Variants in GALT observed in about 807,000 individuals in gnomAD.
The protein encoded by GALT is UDP-glucose--hexose-1-phosphate uridylyltransferase.
Under a neutral mutation model 55.4 loss-of-function variants are expected in GALT, and 42 were observed. The observed-to-expected ratio is 0.76, with a 90% CI of 0.59 to 0.98. The LOEUF is 0.98. Among genes scored for constraint, GALT ranks in the 50% least tolerant of loss-of-function variants. GALT has a pLI of 0.00. For synonymous variants in GALT, 154 were observed against 181.5 expected (o/e 0.85, Z 1.22); for missense variants, 407 against 495.7 (o/e 0.82, Z 1.70).
In GALT at chr9:34,650,525, T is replaced by G. The variant is rs1380606096; in HGVS notation, c.*76T>G. 2 of 1,375,278 alleles carry G rather than the reference T, an allele frequency of 1.5e-6. No homozygotes were observed. Among genetic ancestry groups the G allele is most frequent in the African/African-American group, 2.9e-5 (2 of 70,100 alleles). The allele number at this position is 1,375,278 out of a possible 1,614,324, so 85.2% of individuals were successfully genotyped here. A position where few individuals can be genotyped will look rare whatever the true frequency, so the allele number is the denominator to read the frequency against. ...TGAATTAAGCAGAAAGGGCCTTGAATCCTGGCCTGGAATTTGGGCAGATAT... is the reference window on the plus strand; with the variant it reads ...TGAATTAAGCAGAAAGGGCCTTGAAGCCTGGCCTGGAATTTGGGCAGATAT... On this transcript the variant is annotated 3_prime_UTR_variant, in exon 11 of 11. Coordinates refer to ENST00000378842, the MANE Select transcript of GALT (RefSeq NM_000155.4).
Position 34,648,446 on chromosome 9 carries a change from T to C in GALT, c.677T>C (p.Leu226Pro), listed in dbSNP as rs111033752. The C allele has an allele frequency of 6.2e-7, 1 of 1,614,130 alleles. No homozygotes were observed. The highest frequency in any genetic ancestry group is 8.5e-7 in the Non-Finnish European group (1 of 1,180,018). Residue 226 changes from leucine (L) to proline (P), a missense_variant, in exon 7 of 11, where the codon CTA becomes CCA. Leu to Pro is a moderately conservative substitution (Grantham distance 98). Transcript: ENST00000378842. The surrounding 1 kb of genome is among the most constrained non-coding windows in gnomAD (Gnocchi z 4.9). ...CTAATGGAGTACAGCCGCCAGGAGC[T>C]ACTCAGGAAGGTGGGAGAGAGCCAA... Reference protein sequence around the residue: ...PLLMEYSRQELLRKERLVLTS... With the variant: ...PLLMEYSRQEPLRKERLVLTS...
Position 34,648,353 on chromosome 9 carries a change from T to G in GALT, c.584T>G (p.Leu195Arg), listed in dbSNP as rs111033728. 1 of 1,614,196 alleles carries G rather than the reference T, an allele frequency of 6.2e-7. No individual in the cohort carries two copies. The highest frequency in any genetic ancestry group is 8.5e-7 in the Non-Finnish European group (1 of 1,180,038). Residue 195 changes from leucine (L) to arginine (R), a missense_variant, in exon 7 of 11, where the codon CTG (leucine) becomes CGG (arginine). By Grantham distance (102) the Leu-to-Arg change is moderately radical (BLOSUM62 -2). Coordinates refer to ENST00000378842, the MANE Select transcript of GALT (RefSeq NM_000155.4). The surrounding 1 kb of genome is among the most constrained non-coding windows in gnomAD (Gnocchi z 4.9). ...PHCQVWASSF[L>R]PDIAQREERS... is the part of the protein sequence containing the mutation. ...TGACAGGTATGGGCCAGCAGTTTCCTGCCAGATATTGCCCAGCGTGAGGAG... is the reference window on the plus strand; with the variant it reads ...TGACAGGTATGGGCCAGCAGTTTCCGGCCAGATATTGCCCAGCGTGAGGAG...
Position 34,648,068 on chromosome 9 carries a change from G to T in GALT, c.508-47G>T. 1 of 1,614,164 alleles carries T rather than the reference G, an allele frequency of 6.2e-7. No homozygotes were observed. Among genetic ancestry groups the T allele is most frequent in the Non-Finnish European group, 8.5e-7 (1 of 1,180,028 alleles). On this transcript the variant is annotated intron_variant, in intron 5 of 10. Coordinates refer to ENST00000378842, the MANE Select transcript of GALT (RefSeq NM_000155.4). This position sits in a 1 kb window ranked among gnomAD's most constrained non-coding sequence, Gnocchi z 4.9. Reference sequence around the variant, plus strand: ...CACAGGGTGTGGTCAGGAGGGAGTTGACTTGGTGTCTTTTGGCTAACAGAG... The same window carrying T: ...CACAGGGTGTGGTCAGGAGGGAGTTTACTTGGTGTCTTTTGGCTAACAGAG...
In GALT at chr9:34,649,411, G is replaced by A. The variant is rs111033837; in HGVS notation, c.906G>A (p.Gly302=). Residue 302 remains glycine (G), a splice_region_variant and synonymous_variant, in exon 10 of 11, where the codon GGG becomes GGA. Coordinates refer to ENST00000378842, the MANE Select transcript of GALT (RefSeq NM_000155.4). ...TSFPYSMGWH[G]APTGSEAGAN... is the part of the protein sequence containing the mutation. ...CACTGTCTCTCTTCTTTCTGTCAGG[G>A]GCTCCCACAGGATCAGAGGCTGGGG... 3 of 1,613,952 alleles carry A rather than the reference G, an allele frequency of 1.9e-6. No homozygotes were observed. The highest frequency in any genetic ancestry group is 2.5e-6 in the Non-Finnish European group (3 of 1,180,024).
chr9:34,649,707 C>T, intron 10 of GALT, 143 bp downstream of exon 10: 1 of 927,880 alleles, frequency 1.1e-6, no homozygotes, highest in African/African-American at 1.6e-5. Context: ...AAGTTAGGAG[C>T]CCTAGGGCCT....
Position 34,647,481 on chromosome 9 carries a change from C to T in GALT, c.253-11C>T, listed in dbSNP as rs369271852. The T allele has an allele frequency of 3.6e-5, 58 of 1,613,934 alleles. No homozygotes were observed. In the East Asian group the frequency reaches 1.2e-3, roughly 33 times the overall value. ...GGGCAGTGAGTGCTTCTAGCCTATCCTTGTCGGTAGGTGAATCCCCAGTAC... is the reference window on the plus strand; with the variant it reads ...GGGCAGTGAGTGCTTCTAGCCTATCTTTGTCGGTAGGTGAATCCCCAGTAC... On this transcript the variant is annotated splice_polypyrimidine_tract_variant and intron_variant, in intron 2 of 10. Transcript: ENST00000378842. This position sits in a 1 kb window ranked among gnomAD's most constrained non-coding sequence, Gnocchi z 5.6.
chr9:34,646,691 C>A lies in GALT; in HGVS notation c.-14C>A, dbSNP rs779958843. Reference sequence around the variant, plus strand: ...CGGCCCTGCAGATTTTCCAGCGGATCCCCCGGTGGCCTCATGTCGCGCAGT... The same window carrying A: ...CGGCCCTGCAGATTTTCCAGCGGATACCCCGGTGGCCTCATGTCGCGCAGT... On this transcript the variant is annotated 5_prime_UTR_variant, in exon 1 of 11. Coordinates refer to ENST00000378842, the MANE Select transcript of GALT (RefSeq NM_000155.4). The A allele has an allele frequency of 1.9e-6, 3 of 1,613,524 alleles. No homozygotes were observed. The highest frequency in any genetic ancestry group is 2.5e-6 in the Non-Finnish European group (3 of 1,179,902).
rs759417724 is a variant in GALT at position 34,649,522 on chromosome 9, C to T, written c.1017C>T (p.Tyr339=). 22 of 1,614,176 alleles carry T rather than the reference C, an allele frequency of 1.4e-5. No individual in the cohort carries two copies. The highest frequency in any genetic ancestry group is 5.5e-5 in the South Asian group (5 of 91,090). ...CTGTCCGGAAATTCATGGTTGGCTA[C>T]GAAATGCTTGCTCAGGCTCAGAGGG... ...SATVRKFMVG[Y]EMLAQAQRDL... Residue 339 remains tyrosine, a synonymous_variant, in exon 10 of 11, where the codon TAC becomes TAT. Transcript: ENST00000378842.
At position 34,647,953 on chromosome 9, in the gene GALT, T is replaced by C. The variant is rs111033708; in HGVS notation, c.499T>C (p.Trp167Arg). 6.2e-7 allele frequency: 1 copy of C among 1,614,036 alleles called. No individual in the cohort carries two copies. Among genetic ancestry groups the C allele is most frequent in the African/African-American group, 1.3e-5 (1 of 74,906 alleles). The change falls in exon 5 of 11, where the codon TGG (tryptophan) becomes CGG (arginine). Residue 167 changes from tryptophan (W) to arginine (R), a missense_variant. Physicochemically the swap from Trp to Arg is moderately radical, Grantham distance 101. Coordinates refer to ENST00000378842, the MANE Select transcript of GALT (RefSeq NM_000155.4). The surrounding 1 kb of genome is among the most constrained non-coding windows in gnomAD (Gnocchi z 5.6). ...VTEELGAQYP[W>R]VQIFENKGAM... ...AGAGGAGCTGGGTGCCCAGTACCCT[T>C]GGGTGCAGGTTTGTGAGGTCGCCCC... is the stretch of plus-strand genomic sequence containing the variant.
Position 34,647,503 on chromosome 9 carries a change from G to A in GALT, c.264G>A (p.Gln88=). Residue 88 remains glutamine (Q), a synonymous_variant, in exon 3 of 11, where the codon CAG becomes CAA. Transcript: ENST00000378842. This position sits in a 1 kb window ranked among gnomAD's most constrained non-coding sequence, Gnocchi z 5.6. ...AIRANGEVNP[Q]YDSTFLFDND... is the part of the protein sequence containing the mutation. The stretch of plus-strand genomic sequence containing the variant: ...ATCCTTGTCGGTAGGTGAATCCCCA[G>A]TACGATAGCACCTTCCTGTTTGACA... The A allele has an allele frequency of 3.7e-6, 6 of 1,614,160 alleles. No individual in the cohort carries two copies. The highest frequency in any genetic ancestry group is 1.1e-5 in the South Asian group (1 of 91,078).
chr9:34,646,850 C>T (rs913565776), intron 1 of GALT, 64 bp downstream of exon 1: 13 of 1,610,920 alleles, frequency 8.1e-6, no homozygotes, highest in Non-Finnish European at 1.1e-5. Flanking sequence ...CCTTAGGAAG[C>T]TTTCGTCCCC....
At position 34,647,295 on chromosome 9, in the gene GALT, A is replaced by G; in HGVS notation, c.252+37A>G. On this transcript the variant is annotated intron_variant, in intron 2 of 10. Coordinates refer to ENST00000378842, the MANE Select transcript of GALT (RefSeq NM_000155.4). This position sits in a 1 kb window ranked among gnomAD's most constrained non-coding sequence, Gnocchi z 5.6. ...GAGCCCTGCATCTGCAGGCTGGGCC[A>G]CGGGGAGTAGTTCCCTCTTAGAACT... 6.2e-7 allele frequency: 1 copy of G among 1,613,414 alleles called. No homozygotes were observed. Among genetic ancestry groups the G allele is most frequent in the South Asian group, 1.1e-5 (1 of 91,078 alleles).
chr9:34,646,887 G>A, intron 1 of GALT, 101 bp downstream of exon 1: 1 of 1,607,758 alleles, frequency 6.2e-7, no homozygotes. Context: ...CTCATCCCGA[G>A]CCAGACCGAC....
rs1410764100 is a variant in GALT, at chr9:34,646,710, G to T, written c.6G>T (p.Ser2=). M[S]RSGTDPQQRQ... ...GCGGATCCCCCGGTGGCCTCATGTCGCGCAGTGGAACCGATCCTCAGCAAC... is the reference window on the plus strand; with the variant it reads ...GCGGATCCCCCGGTGGCCTCATGTCTCGCAGTGGAACCGATCCTCAGCAAC... Residue 2 remains serine, a synonymous_variant, in exon 1 of 11, where the codon TCG becomes TCT. Transcript: ENST00000378842. The T allele has an allele frequency of 6.2e-7, 1 of 1,613,776 alleles. No homozygotes were observed. Among genetic ancestry groups the T allele is most frequent in the Non-Finnish European group, 8.5e-7 (1 of 1,179,976 alleles).
chr9:34,650,077 C>G, intron 10 of GALT: 1 of 403,922 alleles, frequency 2.5e-6, no homozygotes. Flanking sequence ...CCCAGAAGTT[C>G]GAGACTAGCC....
In GALT at chr9:34,648,652, G is replaced by A; in HGVS notation, c.688-110G>A. On this transcript the variant is annotated intron_variant, in intron 7 of 10. Coordinates refer to ENST00000378842, the MANE Select transcript of GALT (RefSeq NM_000155.4). The surrounding 1 kb of genome is among the most constrained non-coding windows in gnomAD (Gnocchi z 4.9). ...TGGTTAGTGGTAGAGGTGGTGAGAA[G>A]ACATCAGATCCTGGGCACATTCTTT... The A allele has an allele frequency of 6.6e-7, 1 of 1,513,548 alleles. No homozygotes were observed. The highest frequency in any genetic ancestry group is 9.1e-7 in the Non-Finnish European group (1 of 1,096,750). 93.8% of individuals were successfully genotyped at this position (1,513,548 alleles called of 1,614,324 possible).
chr9:34,647,075 C>T lies in GALT; in HGVS notation c.83-14C>T, dbSNP rs1465207684. On this transcript the variant is annotated splice_polypyrimidine_tract_variant and intron_variant, in intron 1 of 10. Transcript: ENST00000378842. The surrounding 1 kb of genome is among the most constrained non-coding windows in gnomAD (Gnocchi z 5.6). ...AGAGAGCTCTGAGGACTGATCTTGA[C>T]TGTCTGCCCCCAGACCATCAGCATA... The T allele has an allele frequency of 6.2e-7, 1 of 1,614,138 alleles. No homozygotes were observed. Among genetic ancestry groups the T allele is most frequent in the Non-Finnish European group, 8.5e-7 (1 of 1,180,036 alleles).
chr9:34,650,413 G>A lies in GALT; in HGVS notation c.1104G>A (p.Leu368=), dbSNP rs1564102689. The part of the protein sequence containing the change: ...LRALPEVHYH[L]GQKDRETATI... Reference sequence around the variant, plus strand: ...CACTTCCTGAGGTTCATTACCACCTGGGGCAGAAGGACAGGGAGACAGCAA... The same window carrying A: ...CACTTCCTGAGGTTCATTACCACCTAGGGCAGAAGGACAGGGAGACAGCAA... Residue 368 remains leucine (L), a synonymous_variant, in exon 11 of 11, where the codon CTG becomes CTA. Coordinates refer to ENST00000378842, the MANE Select transcript of GALT (RefSeq NM_000155.4). 2.5e-6 allele frequency: 4 copies of A among 1,614,062 alleles called. No individual in the cohort carries two copies. The East Asian group carries it at 8.9e-5, about 36-fold the overall frequency.
At chr9:34,649,166 G>A in intron 9 of GALT, 85 bp downstream of exon 9, 1 of 1,413,350 alleles carries the variant, frequency 7.1e-7, no homozygotes, top group Non-Finnish European at 1.0e-6. Context: ...AACCTCAAAG[G>A]AGCAAGCCTT....
Sources: allele counts gnomAD v4.1 joint callset, GRCh38; gene constraint gnomAD v4.1.1; non-coding constraint Gnocchi (gnomAD v3.1); transcripts MANE v1.5; gene names NCBI Gene and HGNC (gene_info 2026-07-23, HGNC 2026-07-21).